Variants in C8orf34 observed in about 807,000 individuals in gnomAD.
C8orf34 encodes the protein uncharacterized protein C8orf34.
Under a neutral mutation model 68.3 loss-of-function variants are expected in C8orf34, and 65 were observed. The observed-to-expected ratio is 0.95, with a 90% CI of 0.78 to 1.17. The LOEUF is 1.17. Ranked by LOEUF, C8orf34 falls within the 50% of genes most tolerant of loss-of-function variation. C8orf34 has a pLI of 0.00. For synonymous variants in C8orf34, 244 were observed against 241.2 expected, an observed-to-expected ratio of 1.01 and a Z score of -0.11; for missense variants, 664 against 655.4, an observed-to-expected ratio of 1.01 and a Z score of -0.14.
intron 7 of C8orf34, among the ~76,000 whole-genome samples, chr8:68,599,233 G>T (rs977952117): frequency 6.6e-6 from 1 of 151,844 alleles, no homozygotes; most frequent in Non-Finnish European, 1.5e-5. Flanking sequence ...ATATTAAAGA[G>T]GACTTAAATA....
At chr8:68,699,206 C>T (rs1250084295) in intron 8 of C8orf34, among the ~76,000 whole-genome samples, 2 of 151,694 alleles carry the variant, frequency 1.3e-5, no homozygotes, top group Non-Finnish European at 2.9e-5. Context: ...GAGGCCTTAA[C>T]TGCTTATGTC....
rs186513515 is a variant in C8orf34 at position 68,389,380 on chromosome 8, C to T, written c.328-50119C>T. On this transcript the variant is annotated intron_variant, in intron 1 of 13. Coordinates refer to ENST00000518698, the MANE Select transcript of C8orf34 (RefSeq NM_052958.4). ...AAATGGGGCATCATATATATAAGTGCTATGTATGCTATTAAGTGCTACTCA... is the reference window on the plus strand; with the variant it reads ...AAATGGGGCATCATATATATAAGTGTTATGTATGCTATTAAGTGCTACTCA... Among the ~76,000 whole-genome samples the T allele has an allele frequency of 2.5e-3, 373 of 152,104 alleles. 2 individuals carry two copies. Among genetic ancestry groups the T allele is most frequent in the Admixed American group, 3.8e-3 (58 of 15,266 alleles).
chr8:68,416,654 C>G (rs1440136331), intron 1 of C8orf34, among the ~76,000 whole-genome samples: 1 of 152,000 alleles, frequency 6.6e-6, no homozygotes, highest in East Asian at 1.9e-4. Context: ...GCTTCAGCCT[C>G]TGATTAGCTG....
At chr8:68,537,978 C>T (rs1237368159) in intron 7 of C8orf34, among the ~76,000 whole-genome samples, 1 of 151,976 alleles carries the variant, frequency 6.6e-6, no homozygotes, top group African/African-American at 2.4e-5. Flanking sequence ...AATAAATCAA[C>T]ATAGTAGAAT....
Position 68,497,503 on chromosome 8 carries a change from T to A in C8orf34, c.765+9452T>A, listed in dbSNP as rs4590429. Among the ~76,000 whole-genome samples the A allele has an allele frequency of 9.3e-3, 1,421 of 152,056 alleles. 17 individuals carry two copies. The highest frequency in any genetic ancestry group is 0.014 in the Non-Finnish European group (937 of 67,978). Reference sequence around the variant, plus strand: ...TTATTCTTTGATGAAATGATCCTATTTCTATGAATCTATTCCAAAGACACA... The same window carrying A: ...TTATTCTTTGATGAAATGATCCTATATCTATGAATCTATTCCAAAGACACA... On this transcript the variant is annotated intron_variant, in intron 5 of 13. Transcript: ENST00000518698.
intron 8 of C8orf34, among the ~76,000 whole-genome samples, chr8:68,682,086 AG>A (rs968362709): frequency 6.6e-6 from 1 of 152,174 alleles, no homozygotes; most frequent in Non-Finnish European, 1.5e-5. Flanking sequence ...TAGAACAAAT[AG>A]GATTTAGCTT....
At chr8:68,748,955 T>C (rs368872030) in intron 10 of C8orf34, among the ~76,000 whole-genome samples, 3 of 152,020 alleles carry the variant, frequency 2.0e-5, no homozygotes, top group Admixed American at 1.3e-4. Context: ...TATTGCGGCA[T>C]TATTCACAAT....
intron 1 of C8orf34, among the ~76,000 whole-genome samples, chr8:68,380,364 G>T (rs1807981314): frequency 6.6e-6 from 1 of 152,194 alleles, no homozygotes; most frequent in African/African-American, 2.4e-5. Context: ...ATTAATTGGA[G>T]GGAATAAAAG....
chr8:68,816,817 C>T (rs544912319), intron 13 of C8orf34, among the ~76,000 whole-genome samples: 23 of 151,980 alleles, frequency 1.5e-4, no homozygotes, highest in African/African-American at 4.6e-4. Flanking sequence ...CAAGAGAACA[C>T]GGAAAGCATG....
At chr8:68,573,254 C>T (rs972961450) in intron 7 of C8orf34, among the ~76,000 whole-genome samples, 1 of 152,110 alleles carries the variant, frequency 6.6e-6, no homozygotes, top group Non-Finnish European at 1.5e-5. Context: ...TTGTCACTTG[C>T]TTCACTTGAT....
chr8:68,462,010 G>C (rs1268306317), intron 3 of C8orf34, among the ~76,000 whole-genome samples: 2 of 152,300 alleles, frequency 1.3e-5, no homozygotes, highest in East Asian at 3.9e-4. Context: ...TGGATAAAGA[G>C]TCAAGACCCA....
chr8:68,505,718 A>G (rs1216700950), intron 5 of C8orf34, among the ~76,000 whole-genome samples: 2 of 147,316 alleles, frequency 1.4e-5, no homozygotes, highest in Non-Finnish European at 3.0e-5. Flanking sequence ...GGCCTGGGCG[A>G]CAGAGCGAGA....
intron 7 of C8orf34, among the ~76,000 whole-genome samples, chr8:68,546,028 T>A (rs1323495188): frequency 6.6e-6 from 1 of 152,030 alleles, no homozygotes; most frequent in African/African-American, 2.4e-5. Context: ...CATAATAAAT[T>A]GGGAATGCAT....
At chr8:68,539,373 G>A (rs191075341) in intron 7 of C8orf34, among the ~76,000 whole-genome samples, 10 of 152,174 alleles carry the variant, frequency 6.6e-5, no homozygotes, top group Admixed American at 5.9e-4. Context: ...AATGTGCAAA[G>A]AAGTGTAATT....
intron 5 of C8orf34, among the ~76,000 whole-genome samples, chr8:68,490,241 A>G (rs1026995812): frequency 6.6e-6 from 1 of 152,078 alleles, no homozygotes; most frequent in Non-Finnish European, 1.5e-5. Context: ...GCTCTTTCTA[A>G]TACATTCTGC....
At chr8:68,800,163 ACT>A (rs1320432037) in intron 12 of C8orf34, among the ~76,000 whole-genome samples, 2 of 152,152 alleles carry the variant, frequency 1.3e-5, no homozygotes, top group Admixed American at 6.5e-5. Context: ...ATAGGGAAGA[ACT>A]CTAATGAGAG....
At chr8:68,472,996 C>T (rs928231663) in intron 4 of C8orf34, among the ~76,000 whole-genome samples, 8 of 152,128 alleles carry the variant, frequency 5.3e-5, no homozygotes, top group African/African-American at 1.9e-4. Flanking sequence ...AATCTCTTCC[C>T]TTGAGATTAA....
At chr8:68,631,447 C>G (rs1000872324) in intron 7 of C8orf34, among the ~76,000 whole-genome samples, 1 of 152,076 alleles carries the variant, frequency 6.6e-6, no homozygotes, top group Non-Finnish European at 1.5e-5. Flanking sequence ...TATGTTCCTG[C>G]ATGATTATTA....
chr8:68,591,379 T>C (rs1817384105), intron 7 of C8orf34, among the ~76,000 whole-genome samples: 1 of 152,116 alleles, frequency 6.6e-6, no homozygotes, highest in Non-Finnish European at 1.5e-5. Context: ...TCTGAAAAGA[T>C]CTCTTATTGC....
Sources: allele counts gnomAD v4.1 joint callset (sites outside exome capture counted in the v4.1 genomes callset), GRCh38; gene constraint gnomAD v4.1.1; transcripts MANE v1.5; gene names NCBI Gene and HGNC (gene_info 2026-07-23, HGNC 2026-07-21).